PHKG2: variants seen among roughly 807,000 people sequenced by gnomAD.
PHKG2 encodes phosphorylase kinase catalytic subunit gamma 2.
Under a neutral mutation model 44.5 loss-of-function variants are expected in PHKG2, and 28 were observed. The ratio of observed to expected loss-of-function variants is 0.63; its 90% CI spans 0.47 to 0.86. PHKG2 has a LOEUF of 0.86. PHKG2 is among the 40% of genes least tolerant of loss of function. PHKG2 has a pLI of 0.00. For synonymous variants in PHKG2, 220 were observed against 211.2 expected (o/e 1.04, Z -0.36); for missense variants, 498 against 547.5 (o/e 0.91, Z 0.90).
In PHKG2 at chr16:30,755,144, AAGG is replaced by A. The variant is rs1466424312; in HGVS notation, c.557-1031_557-1029del. Reference sequence around the variant, plus strand: ...GTCACCCCAGCTACTCGGGAGGCTGAAGGAGGAGGCTCACTTGAGCCTAGGAGC... The same window carrying A: ...GTCACCCCAGCTACTCGGGAGGCTGAAGGAGGCTCACTTGAGCCTAGGAGC... On this transcript the variant is annotated intron_variant, in intron 6 of 9. Coordinates refer to ENST00000563588, the MANE Select transcript of PHKG2 (RefSeq NM_000294.3). 7.6e-5 allele frequency: 24 copies of A among 315,874 alleles called. No individual in the cohort carries two copies. In the East Asian group the frequency reaches 1.6e-3, roughly 21 times the overall value. 19.6% of individuals were successfully genotyped at this position (315,874 alleles called of 1,614,324 possible).
At position 30,748,800 on chromosome 16, in the gene PHKG2, C is replaced by G. The variant is rs1272922487; in HGVS notation, c.-18-3C>G. 6.5e-7 allele frequency: 1 copy of G among 1,540,164 alleles called. No individual in the cohort carries two copies. The highest frequency in any genetic ancestry group is 2.4e-5 in the East Asian group (1 of 40,864). On this transcript the variant is annotated splice_polypyrimidine_tract_variant and splice_region_variant and intron_variant, in intron 1 of 9. Coordinates refer to ENST00000563588, the MANE Select transcript of PHKG2 (RefSeq NM_000294.3). Reference sequence around the variant, plus strand: ...GCCCTCACTGCCCTCCTCCTCCGCGCAGGCCCCCGCCTCCTTCAGGATGAC... The same window carrying G: ...GCCCTCACTGCCCTCCTCCTCCGCGGAGGCCCCCGCCTCCTTCAGGATGAC...
In PHKG2 at chr16:30,759,316, GCTC is replaced by G. The variant is rs765679699; in HGVS notation, c.*2223_*2225del. 1 of 1,612,418 alleles carries G rather than the reference GCTC, an allele frequency of 6.2e-7. No homozygotes were observed. On this transcript the variant is annotated 3_prime_UTR_variant, in exon 10 of 10. Coordinates refer to ENST00000563588, the MANE Select transcript of PHKG2 (RefSeq NM_000294.3). ...CTGAGGGGAGGGGCGGTTGAGGGTG[GCTC>G]CTCATGGTCCACCACCCCCTACCTG...
In PHKG2 at chr16:30,748,905, G is replaced by C; in HGVS notation, c.85G>C (p.Val29Leu). The change falls in exon 2 of 10, where the codon GTC becomes CTC. Residue 29 changes from valine (V) to leucine (L), a missense_variant. Val to Leu is a conservative substitution (Grantham distance 32, BLOSUM62 1). Coordinates refer to ENST00000563588, the MANE Select transcript of PHKG2 (RefSeq NM_000294.3). ...EFYQKYDPKDVIGRGVSSVVR... is the reference protein window; with the variant it reads ...EFYQKYDPKDLIGRGVSSVVR... ...TTACCAGAAGTACGACCCTAAGGAC[G>C]TCATCGGCAGGTAAGGCCGCGGCCA... is the stretch of plus-strand genomic sequence containing the variant. 6.4e-7 allele frequency: 1 copy of C among 1,552,926 alleles called. No individual in the cohort carries two copies. The highest frequency in any genetic ancestry group is 8.7e-7 in the Non-Finnish European group (1 of 1,147,552).
chr16:30,753,052 C>G, intron 4 of PHKG2, 180 bp from the exon 5 acceptor site: 1 of 667,836 alleles, frequency 1.5e-6, no homozygotes, highest in Non-Finnish European at 2.7e-6. Context: ...GCAGGTATTT[C>G]AGCTGCCAAC....
At chr16:30,748,555 C>A in intron 1 of PHKG2, 65 bp downstream of exon 1, 1 of 540,210 alleles carries the variant, frequency 1.9e-6, no homozygotes, top group Non-Finnish European at 3.3e-6. Context: ...GCGGCAACAG[C>A]CGCCTGCCCT....
chr16:30,757,007 G>A lies in PHKG2; in HGVS notation c.1131G>A (p.Arg377=). ...ACCGGGCGGCTCTCTTTCAGCACCG[G>A]CCCCCTGGGCCTTTTCCCATCATGG... ...QQNRAALFQH[R]PPGPFPIMGP... Residue 377 remains arginine, a synonymous_variant, in exon 10 of 10, where the codon CGG becomes CGA. Coordinates refer to ENST00000563588, the MANE Select transcript of PHKG2 (RefSeq NM_000294.3). 1 of 1,612,002 alleles carries A rather than the reference G, an allele frequency of 6.2e-7. No homozygotes were observed. Among genetic ancestry groups the A allele is most frequent in the South Asian group, 1.1e-5 (1 of 91,088 alleles).
intron 2 of PHKG2, among the ~76,000 whole-genome samples, chr16:30,749,194 TGCTGGTG>T (rs1567259724): frequency 2.3e-4 from 21 of 92,820 alleles, no homozygotes; most frequent in Middle Eastern, 5.7e-3. Flanking sequence ...CTGGTGGTGG[TGCTGGTG>T]GTGGTGTGTG....
Position 30,756,655 on chromosome 16 carries a change from C to G in PHKG2, c.867C>G (p.Pro289=), listed in dbSNP as rs773992574. The G allele has an allele frequency of 7.4e-6, 12 of 1,613,974 alleles. No individual in the cohort carries two copies. The highest frequency in any genetic ancestry group is 1.0e-5 in the Non-Finnish European group (12 of 1,180,034). Reference sequence around the variant, plus strand: ...CAGCTGAGCAGGCCCTACAGCACCCCTTCTTTGAGCGTTGTGAAGGCAGCC... The same window carrying G: ...CAGCTGAGCAGGCCCTACAGCACCCGTTCTTTGAGCGTTGTGAAGGCAGCC... The part of the protein sequence containing the change: ...RLTAEQALQH[P]FFERCEGSQP... The change falls in exon 9 of 10, where the codon CCC becomes CCG. Residue 289 remains proline, a synonymous_variant. Transcript: ENST00000563588.
chr16:30,757,762 T>A lies in PHKG2; in HGVS notation c.*665T>A. The A allele has an allele frequency of 6.8e-7, 1 of 1,463,108 alleles. No homozygotes were observed. The highest frequency in any genetic ancestry group is 9.0e-7 in the Non-Finnish European group (1 of 1,111,470). 90.6% of individuals were successfully genotyped at this position (1,463,108 alleles called of 1,614,324 possible). On this transcript the variant is annotated 3_prime_UTR_variant, in exon 10 of 10. Coordinates refer to ENST00000563588, the MANE Select transcript of PHKG2 (RefSeq NM_000294.3). ...CCCCAAATTTCCCCTGGTGGGGATA[T>A]AGAGGTAGCAATGTTGTTTCCCTTT...
At chr16:30,751,513 ATC>A in intron 3 of PHKG2, 34 bp from the exon 4 acceptor site, 1 of 1,586,842 alleles carries the variant, frequency 6.3e-7, no homozygotes, top group Non-Finnish European at 8.7e-7. Flanking sequence ...ACTCCTTTCC[ATC>A]TCTGTCTCTC....
At chr16:30,755,103 G>C (rs569332886) in intron 6 of PHKG2, 1 of 342,214 alleles carries the variant, frequency 2.9e-6, no homozygotes, top group South Asian at 2.2e-5. Flanking sequence ...TGAGCCAAGC[G>C]TGGTGGCACG....
Position 30,756,784 on chromosome 16 carries a change from C to T in PHKG2, c.928-20C>T, listed in dbSNP as rs1437324717. ...ATGATCTTTCCCCTGCACTAGAGCT[C>T]ACCCTGCCCCCCTTCCCAGGTGGCA... On this transcript the variant is annotated intron_variant, in intron 9 of 9. Coordinates refer to ENST00000563588, the MANE Select transcript of PHKG2 (RefSeq NM_000294.3). 1.9e-6 allele frequency: 3 copies of T among 1,614,000 alleles called. No homozygotes were observed. Among genetic ancestry groups the T allele is most frequent in the Non-Finnish European group, 2.5e-6 (3 of 1,180,036 alleles).
At chr16:30,754,699 CT>C (rs2053393569) in intron 6 of PHKG2, among the ~76,000 whole-genome samples, 1 of 152,164 alleles carries the variant, frequency 6.6e-6, no homozygotes, top group Non-Finnish European at 1.5e-5. Context: ...TCCACATGTA[CT>C]TTTCCCGTTT....
chr16:30,749,099 GC>G (rs1177904710), intron 2 of PHKG2, among the ~76,000 whole-genome samples, 184 bp downstream of exon 2: 10 of 47,200 alleles, frequency 2.1e-4, no homozygotes, highest in African/African-American at 6.3e-4. Context: ...TGCTGCTGCT[GC>G]TGCTGCTGCT....
At chr16:30,753,352 A>G in intron 5 of PHKG2, 42 bp from the exon 6 acceptor site, 1 of 1,613,528 alleles carries the variant, frequency 6.2e-7, no homozygotes, top group Non-Finnish European at 8.5e-7. Context: ...CAGGGCAGGG[A>G]GGAGCCGAGG....
In PHKG2 at chr16:30,759,337, C is replaced by A; in HGVS notation, c.*2240C>A. 2 of 1,613,314 alleles carry A rather than the reference C, an allele frequency of 1.2e-6. No homozygotes were observed. Among genetic ancestry groups the A allele is most frequent in the South Asian group, 1.1e-5 (1 of 91,064 alleles). ...GGTGGCTCCTCATGGTCCACCACCC[C>A]CTACCTGGGGTGTGAAGACGTATTT... On this transcript the variant is annotated 3_prime_UTR_variant, in exon 10 of 10. Coordinates refer to ENST00000563588, the MANE Select transcript of PHKG2 (RefSeq NM_000294.3).
chr16:30,756,813 T>C lies in PHKG2; in HGVS notation c.937T>C (p.Trp313Arg). The C allele has an allele frequency of 1.2e-6, 2 of 1,614,120 alleles. No homozygotes were observed. The highest frequency in any genetic ancestry group is 1.7e-5 in the Admixed American group (1 of 60,024). ...CTGCCCCCCTTCCCAGGTGGCAGTG[T>C]GGACAGTGCTGGCTGCTGGACGAGT... ...TPRQRFRVAV[W>R]TVLAAGRVAL... The change falls in exon 10 of 10, where the codon TGG becomes CGG. Residue 313 changes from tryptophan (W) to arginine (R), a missense_variant. Physicochemically the swap from Trp to Arg is moderately radical, Grantham distance 101 (BLOSUM62 -3). Transcript: ENST00000563588.
chr16:30,756,969 G>A lies in PHKG2; in HGVS notation c.1093G>A (p.Gly365Arg), dbSNP rs556977075. Residue 365 changes from glycine to arginine, a missense_variant, in exon 10 of 10, where the codon GGG becomes AGG. Transcript: ENST00000563588. ...FRLYGHWVKK[G>R]EQQNRAALFQ... The stretch of plus-strand genomic sequence containing the variant: ...GCTCTACGGGCACTGGGTAAAGAAA[G>A]GGGAGCAGCAGAACCGGGCGGCTCT... 3 of 1,613,010 alleles carry A rather than the reference G, an allele frequency of 1.9e-6. No homozygotes were observed. Among genetic ancestry groups the A allele is most frequent in the Non-Finnish European group, 1.7e-6 (2 of 1,180,034 alleles).
chr16:30,749,240 GTGC>G (rs1377033751), intron 2 of PHKG2, among the ~76,000 whole-genome samples: 1 of 141,008 alleles, frequency 7.1e-6, no homozygotes, highest in Non-Finnish European at 1.5e-5. Context: ...GGTGGTGGTG[GTGC>G]TGGTGCTGGT....
Sources: allele counts gnomAD v4.1 joint callset (sites outside exome capture counted in the v4.1 genomes callset), GRCh38; gene constraint gnomAD v4.1.1; transcripts MANE v1.5; gene names NCBI Gene and HGNC (gene_info 2026-07-23, HGNC 2026-07-21).